The following BPIFB3 variants were observed in gnomAD, a reference collection of about 807,000 sequenced individuals.
BPIFB3 encodes BPI fold-containing family B member 3.
A neutral mutation model predicts 53.1 loss-of-function variants in BPIFB3; 49 were observed. The observed-to-expected ratio is 0.92, with a 90% CI of 0.73 to 1.17. BPIFB3 has a LOEUF of 1.17. Among genes scored for constraint, BPIFB3 ranks in the 50% most tolerant of loss-of-function variants. The pLI, the probability that BPIFB3 is intolerant of heterozygous loss-of-function variation, is 0.00. For synonymous variants in BPIFB3, 271 were observed against 269.6 expected (o/e 1.01, Z -0.05); for missense variants, 628 against 592.5 (o/e 1.06, Z -0.62).
At chr20:33,069,785 G>T (rs530905517) in intron 10 of BPIFB3, 103 bp from the exon 12 acceptor site, 245 of 1,127,610 alleles carry the variant, frequency 2.2e-4, no homozygotes, top group Non-Finnish European at 3.1e-4. Flanking sequence ...ACACAGTAGG[G>T]CCTCAGTAAG....
At chr20:33,064,328 C>T in intron 6 of BPIFB3, 129 bp from the exon 8 acceptor site, 2 of 747,816 alleles carry the variant, frequency 2.7e-6, no homozygotes, top group South Asian at 1.7e-5. Context: ...ATGGGGATGA[C>T]AGTAGCAGCC....
rs369421674 is a variant in BPIFB3 at position 33,061,847 on chromosome 20, G to A, written c.591+16G>A. On this transcript the variant is annotated intron_variant, in intron 5 of 14. Transcript: ENST00000375494. ...TCCGGGACTGGTGAGTGTGCGGGCC[G>A]TGTGCCAGCATGCCCTCTCCCAGGA... is the stretch of plus-strand genomic sequence containing the variant. The A allele has an allele frequency of 2.4e-5, 39 of 1,613,658 alleles. No homozygotes were observed. Among genetic ancestry groups the A allele is most frequent in the Admixed American group, 6.7e-5 (4 of 60,024 alleles).
chr20:33,060,877 C>T (rs942413875), intron 4 of BPIFB3, among the ~76,000 whole-genome samples: 2 of 152,176 alleles, frequency 1.3e-5, no homozygotes, highest in African/African-American at 4.8e-5. Context: ...TCAATCATCA[C>T]TTTCATGGGA....
At position 33,055,556 on chromosome 20, in the gene BPIFB3, C is replaced by G. The variant is rs1568991759; in HGVS notation, c.124+9C>G. 6.2e-7 allele frequency: 1 copy of G among 1,613,450 alleles called. No individual in the cohort carries two copies. The highest frequency in any genetic ancestry group is 8.5e-7 in the Non-Finnish European group (1 of 1,180,010). ...GGATGAACTCGGCAAAGGTGAGCCC[C>G]AGGTGGGCAGTCTGTGAGGGGGCTG... On this transcript the variant is annotated intron_variant, in intron 1 of 14. Coordinates refer to ENST00000375494, the Ensembl canonical transcript of BPIFB3.
In BPIFB3 at chr20:33,072,093, T is replaced by C. The variant is rs746105215; in HGVS notation, c.1261-11T>C. On this transcript the variant is annotated splice_polypyrimidine_tract_variant and intron_variant, in intron 12 of 14. Coordinates refer to ENST00000375494, the Ensembl canonical transcript of BPIFB3. ...AGCACCACCCCCACCACCCTGTGTG[T>C]TCTGTTGCAGGGATCGCGTTTAGAA... 12 of 1,613,866 alleles carry C rather than the reference T, an allele frequency of 7.4e-6. No homozygotes were observed. The Middle Eastern group carries it at 1.3e-3, about 177-fold the overall frequency.
upstream of BPIFB3, chr20:33,055,314 T>A (rs1980142737): frequency 1.3e-6 from 2 of 1,501,470 alleles, no homozygotes; most frequent in East Asian, 2.3e-5. Context: ...AAGCTCAATT[T>A]GGGCTGTGCC....
In BPIFB3 at chr20:33,064,461, G is replaced by C. The variant is rs777553991; in HGVS notation, c.657G>C (p.Leu219=). The change falls in exon 7 of 15, where the codon CTG becomes CTC. Residue 219 remains leucine (L), a synonymous_variant. Coordinates refer to ENST00000375494, the Ensembl canonical transcript of BPIFB3. Reference sequence around the variant, plus strand: ...CGCCCCCACTTTCCCACGCAGGCCTGGTGTCCCTTGGGGCTCTTGGGTCCG... The same window carrying C: ...CGCCCCCACTTTCCCACGCAGGCCTCGTGTCCCTTGGGGCTCTTGGGTCCG... The C allele has an allele frequency of 3.1e-6, 5 of 1,613,842 alleles. No homozygotes were observed. In the East Asian group the frequency reaches 1.1e-4, roughly 36 times the overall value.
chr20:33,072,771 A>T (rs774954137), exon 14 of BPIFB3: 2 of 1,613,496 alleles, frequency 1.2e-6, no homozygotes, highest in African/African-American at 1.3e-5. Context: ...AATTTTTCCA[A>T]TTCAGTTCTG....
At chr20:33,055,599 C>A in intron 1 of BPIFB3, 52 bp downstream of exon 2, 1 of 1,610,208 alleles carries the variant, frequency 6.2e-7, no homozygotes, top group South Asian at 1.1e-5. Context: ...GTCAACGACT[C>A]AATCTATATG....
intron 10 of BPIFB3, 101 bp downstream of exon 11, chr20:33,069,074 G>A: frequency 1.5e-6 from 2 of 1,355,768 alleles, no homozygotes; most frequent in South Asian, 1.4e-5. Context: ...TTTCAGGGTG[G>A]GAGCCCCACA....
At position 33,069,974 on chromosome 20, in the gene BPIFB3, G is replaced by A. The variant is rs1224810981; in HGVS notation, c.1217+19G>A. On this transcript the variant is annotated intron_variant, in intron 11 of 14. Coordinates refer to ENST00000375494, the Ensembl canonical transcript of BPIFB3. ...TGGAACGGTAACTTGGGATCCTGGG[G>A]ACAGGATCTTGTTCTTGTCTTTAGG... The A allele has an allele frequency of 1.2e-6, 2 of 1,612,484 alleles. No homozygotes were observed. Among genetic ancestry groups the A allele is most frequent in the East Asian group, 2.2e-5 (1 of 44,882 alleles).
Position 33,055,539 on chromosome 20 carries a change from T to G in BPIFB3, c.116T>G (p.Leu39Arg), listed in dbSNP as rs1246769911. 1.4e-5 allele frequency: 23 copies of G among 1,613,336 alleles called. No homozygotes were observed. The highest frequency in any genetic ancestry group is 1.9e-5 in the Non-Finnish European group (23 of 1,179,978). The stretch of plus-strand genomic sequence containing the variant: ...CTCGCTCGGATTGACAAGGATGAAC[T>G]CGGCAAAGGTGAGCCCCAGGTGGGC... Residue 39 changes from leucine (L) to arginine (R), a missense_variant, in exon 1 of 15, where the codon CTC (leucine) becomes CGC (arginine). Physicochemically the swap from Leu to Arg is moderately radical, Grantham distance 102 (BLOSUM62 -2). Coordinates refer to ENST00000375494, the Ensembl canonical transcript of BPIFB3.
chr20:33,059,055 G>A (rs2146381320), intron 2 of BPIFB3, among the ~76,000 whole-genome samples: 1 of 152,288 alleles, frequency 6.6e-6, no homozygotes, highest in South Asian at 2.1e-4. Flanking sequence ...CTGAGACTGT[G>A]GGGATGGAGT....
At chr20:33,071,949 C>T (rs989963158) in intron 12 of BPIFB3, among the ~76,000 whole-genome samples, 155 bp from the exon 14 acceptor site, 1 of 152,176 alleles carries the variant, frequency 6.6e-6, no homozygotes, top group African/African-American at 2.4e-5. Context: ...AGGCCACCCC[C>T]AAGTGCCCAG....
At position 33,072,716 on chromosome 20, in the gene BPIFB3, G is replaced by A; in HGVS notation, c.1325-1G>A. ...TGTTTTCAACGATTCTCTTTTCACAGTGGCCCTGGATGTTGGAATTCCCCT... is the reference window on the plus strand; with the variant it reads ...TGTTTTCAACGATTCTCTTTTCACAATGGCCCTGGATGTTGGAATTCCCCT... On this transcript the variant is annotated splice_acceptor_variant, in intron 13 of 14. Coordinates refer to ENST00000375494, the Ensembl canonical transcript of BPIFB3. LOFTEE classifies it high-confidence loss of function. 1 of 1,612,150 alleles carries A rather than the reference G, an allele frequency of 6.2e-7. No individual in the cohort carries two copies. Among genetic ancestry groups the A allele is most frequent in the Non-Finnish European group, 8.5e-7 (1 of 1,178,202 alleles).
chr20:33,061,433 C>T (rs1018032187), intron 4 of BPIFB3, among the ~76,000 whole-genome samples: 3 of 152,142 alleles, frequency 2.0e-5, no homozygotes, highest in African/African-American at 7.2e-5. Flanking sequence ...TGTCCTAGGC[C>T]TAAATGTCTC....
chr20:33,064,629 T>C, intron 7 of BPIFB3, 37 bp from the exon 9 acceptor site: 1 of 1,613,318 alleles, frequency 6.2e-7, no homozygotes, highest in Non-Finnish European at 8.5e-7. Context: ...GGTGAGCACC[T>C]TAAGACCCTC....
chr20:33,071,138 T>G (rs1466650634), intron 11 of BPIFB3, 115 bp from the exon 13 acceptor site: 1 of 1,092,562 alleles, frequency 9.2e-7, no homozygotes, highest in Non-Finnish European at 1.3e-6. Context: ...AGAGGCAGAG[T>G]GTTGGGCTGG....
chr20:33,068,098 A>G (rs1312343258), intron 9 of BPIFB3, among the ~76,000 whole-genome samples: 1 of 152,248 alleles, frequency 6.6e-6, no homozygotes, highest in African/African-American at 2.4e-5. Context: ...AGGCCCTGCA[A>G]TGGAACAAGG....
Sources: gnomAD v4.1 joint callset for allele counts (sites outside exome capture counted in the v4.1 genomes callset) on GRCh38, gnomAD v4.1.1 for gene constraint, MANE v1.5 for transcripts, NCBI Gene and HGNC (gene_info 2026-07-23, HGNC 2026-07-21) for gene names.